The following FAM178B variants were observed in gnomAD, a reference collection of about 807,000 sequenced individuals.
The protein encoded by FAM178B is protein FAM178B.
In FAM178B, 82 loss-of-function variants were observed where a neutral mutation model predicts 91.7. The observed-to-expected ratio is 0.89, with a 90% confidence interval of 0.75 to 1.07. The LOEUF is 1.07. Ranked by LOEUF, FAM178B falls within the 50% of genes least tolerant of loss-of-function variation. The pLI, the probability that FAM178B is intolerant of heterozygous loss-of-function variation, is 0.00. For missense variants in FAM178B, 769 were observed against 846.7 expected (o/e 0.91, Z 1.14); for synonymous variants, 368 against 359.4 (o/e 1.02, Z -0.27).
At chr2:96,935,273 C>T (rs1046187433) in intron 8 of FAM178B, among the ~76,000 whole-genome samples, 1 of 152,308 alleles carries the variant, frequency 6.6e-6, no homozygotes, top group African/African-American at 2.4e-5. Context: ...AGGTCACAGC[C>T]GGTGCAGAGA....
At chr2:96,914,431 C>T (rs963339970) in intron 12 of FAM178B, among the ~76,000 whole-genome samples, 2 of 152,288 alleles carry the variant, frequency 1.3e-5, no homozygotes, top group Admixed American at 6.5e-5. Flanking sequence ...AGGGCCACAC[C>T]GCAAAGGGGC....
At chr2:96,905,862 T>A (rs10187282) in intron 12 of FAM178B, among the ~76,000 whole-genome samples, 380 of 23,362 alleles carry the variant, frequency 0.016, 8 homozygotes, top group African/African-American at 0.028. Context: ...ATATATATAT[T>A]TTTTTTTTTT....
At chr2:96,984,766 A>G (rs745321730) in intron 1 of FAM178B, among the ~76,000 whole-genome samples, 1 of 152,128 alleles carries the variant, frequency 6.6e-6, no homozygotes, top group Non-Finnish European at 1.5e-5. Context: ...GCTTTTGCCA[A>G]TCCCCTCCCT....
chr2:96,892,655 G>A (rs186299281), intron 14 of FAM178B, among the ~76,000 whole-genome samples: 1 of 152,288 alleles, frequency 6.6e-6, no homozygotes, highest in Non-Finnish European at 1.5e-5. Context: ...ACCTCTGCTA[G>A]GTGAGGCCCA....
chr2:96,949,145 T>TCAGCCAGTGCCCATGCACACCC (rs989067665), intron 7 of FAM178B, among the ~76,000 whole-genome samples: 3 of 152,170 alleles, frequency 2.0e-5, no homozygotes, highest in Non-Finnish European at 4.4e-5. Context: ...AGGGCACAGC[T>TCAGCCAGTGCCCATGCACACCC]CAGCCAGTGC....
intron 6 of FAM178B, among the ~76,000 whole-genome samples, chr2:96,958,698 A>G (rs1254624417): frequency 1.6e-4 from 1 of 6,216 alleles, no homozygotes; most frequent in East Asian, 1.9e-3. Flanking sequence ...TCAAAATACT[A>G]AAAAAAAAAA....
At chr2:96,956,259 T>TG (rs1017912687) in intron 6 of FAM178B, among the ~76,000 whole-genome samples, 36 of 152,336 alleles carry the variant, frequency 2.4e-4, no homozygotes, top group African/African-American at 8.4e-4. Context: ...TGCAATCAGC[T>TG]GTTATCAGCT....
intron 1 of FAM178B, among the ~76,000 whole-genome samples, chr2:96,975,331 T>C (rs1339478661): frequency 6.6e-6 from 1 of 152,168 alleles, no homozygotes; most frequent in Admixed American, 6.5e-5. Context: ...ATTTTAAGTA[T>C]ACTCGCCAGA....
chr2:96,962,371 G>GTGAAC (rs2082092041), intron 5 of FAM178B, among the ~76,000 whole-genome samples: 1 of 151,230 alleles, frequency 6.6e-6, no homozygotes, highest in African/African-American at 2.4e-5. Context: ...AGAGGTTGCA[G>GTGAAC]TGAACCAAGA....
At chr2:96,944,375 A>G (rs1275757899) in intron 8 of FAM178B, among the ~76,000 whole-genome samples, 2 of 152,188 alleles carry the variant, frequency 1.3e-5, no homozygotes, top group Non-Finnish European at 2.9e-5. Context: ...GACAAACAAC[A>G]TGGCAAGTGA....
intron 6 of FAM178B, among the ~76,000 whole-genome samples, chr2:96,953,032 TGTCTCTCTGAGAATGTCCAGGCA>T: frequency 6.6e-6 from 1 of 152,236 alleles, no homozygotes; most frequent in East Asian, 1.9e-4. Flanking sequence ...GCCAAGCTGC[TGTCTCTCTGAGAATGTCCAGGCA>T]GTTTACAAAT....
chr2:96,934,911 G>A (rs553297458), intron 8 of FAM178B, among the ~76,000 whole-genome samples: 5 of 152,128 alleles, frequency 3.3e-5, no homozygotes, highest in South Asian at 2.1e-4. Flanking sequence ...CTCTGCACCC[G>A]CCAACACCAT....
In FAM178B at chr2:96,986,461, T is replaced by C; in HGVS notation, c.-148A>G. On this transcript the variant is annotated 5_prime_UTR_variant, in exon 1 of 17. Coordinates refer to ENST00000490605, the MANE Select transcript of FAM178B (RefSeq NM_001122646.3). Reference sequence around the variant, plus strand: ...GGACCCCAAGAGTTGCGTCCCTAGATCCAGGGCCGCCAACGTGGAACCTAA... The same window carrying C: ...GGACCCCAAGAGTTGCGTCCCTAGACCCAGGGCCGCCAACGTGGAACCTAA... The C allele has an allele frequency of 1.1e-6, 1 of 906,862 alleles. No individual in the cohort carries two copies. 56.2% of individuals were successfully genotyped at this position (906,862 alleles called of 1,614,324 possible). A position where few individuals can be genotyped will look rare whatever the true frequency, so the allele number is the denominator to read the frequency against.
At chr2:96,982,109 A>G (rs771981880) in intron 1 of FAM178B, among the ~76,000 whole-genome samples, 4 of 152,196 alleles carry the variant, frequency 2.6e-5, no homozygotes, top group Non-Finnish European at 4.4e-5. Flanking sequence ...AGTCATGAAC[A>G]TATTTTCATA....
At chr2:96,927,247 C>T (rs531826499) in intron 9 of FAM178B, among the ~76,000 whole-genome samples, 62 of 152,320 alleles carry the variant, frequency 4.1e-4, no homozygotes, top group African/African-American at 1.3e-3. Flanking sequence ...CCTCCTACCC[C>T]GAGGAAGACA....
At chr2:96,978,456 C>T (rs1167568744) in intron 1 of FAM178B, among the ~76,000 whole-genome samples, 3 of 152,186 alleles carry the variant, frequency 2.0e-5, no homozygotes, top group Non-Finnish European at 4.4e-5. Flanking sequence ...AACCTCCCCA[C>T]TTTTGGAGTC....
intron 6 of FAM178B, among the ~76,000 whole-genome samples, chr2:96,955,088 G>A (rs758745965): frequency 3.3e-5 from 5 of 152,154 alleles, no homozygotes; most frequent in South Asian, 2.1e-4. Context: ...AGTGTTGGCC[G>A]GGCATCGTGG....
chr2:96,901,030 G>A (rs773281437), intron 13 of FAM178B, among the ~76,000 whole-genome samples: 3 of 152,046 alleles, frequency 2.0e-5, no homozygotes, highest in Non-Finnish European at 4.4e-5. Flanking sequence ...AGGTGCGGGC[G>A]CGCTCAACCT....
chr2:96,978,683 G>A (rs1387851182), intron 1 of FAM178B, among the ~76,000 whole-genome samples: 3 of 151,178 alleles, frequency 2.0e-5, no homozygotes, highest in Admixed American at 6.6e-5. Flanking sequence ...GGAGTGCAGC[G>A]GCGTCATCTT....
Sources: allele counts gnomAD v4.1 joint callset (sites outside exome capture counted in the v4.1 genomes callset), GRCh38; gene constraint gnomAD v4.1.1; transcripts MANE v1.5; gene names NCBI Gene and HGNC (gene_info 2026-07-23, HGNC 2026-07-21).